The following PDZRN3 variants were observed in gnomAD, a reference collection of about 807,000 sequenced individuals.
The protein encoded by PDZRN3 is PDZ domain containing ring finger 3.
In PDZRN3, 38 loss-of-function variants were observed where a neutral mutation model predicts 85.7. That is an observed-to-expected ratio of 0.44 (90% CI 0.34 to 0.58). The LOEUF (loss-of-function observed/expected upper bound fraction) is 0.58, where lower values mean the gene tolerates loss of function less well. Ranked by LOEUF, PDZRN3 falls within the 20% of genes least tolerant of loss-of-function variation. PDZRN3 has a pLI of 0.01. For synonymous variants in PDZRN3, 759 were observed against 638.0 expected, an observed-to-expected ratio of 1.19 and a Z score of -2.86; for missense variants, 1,629 against 1,506.4, an observed-to-expected ratio of 1.08 and a Z score of -1.35.
At chr3:73,441,812 A>C (rs1474598761) in intron 3 of PDZRN3, among the ~76,000 whole-genome samples, 1 of 152,194 alleles carries the variant, frequency 6.6e-6, no homozygotes, top group Non-Finnish European at 1.5e-5. Context: ...AACACAATGT[A>C]CTCGTGAGGA....
At chr3:73,409,286 T>C (rs1701918018) in intron 3 of PDZRN3, among the ~76,000 whole-genome samples, 1 of 152,160 alleles carries the variant, frequency 6.6e-6, no homozygotes, top group Non-Finnish European at 1.5e-5. Flanking sequence ...CATGGAACCA[T>C]TCCTTCCGGG....
intron 8 of PDZRN3, among the ~76,000 whole-genome samples, chr3:73,386,245 T>TTTTTTTTTTTTTTTTA (rs1701383880): frequency 6.8e-6 from 1 of 146,518 alleles, no homozygotes; most frequent in Non-Finnish European, 1.5e-5. Context: ...TTTTTTTTTT[T>TTTTTTTTTTTTTTTTA]GAGACAGAAT....
At chr3:73,400,696 TAAAA>T (rs1701730864) in intron 5 of PDZRN3, among the ~76,000 whole-genome samples, 1 of 152,172 alleles carries the variant, frequency 6.6e-6, no homozygotes, top group South Asian at 2.1e-4. Flanking sequence ...TGATTCAAAT[TAAAA>T]AAAGTTTACA....
rs1227050975 is a variant in PDZRN3 at position 73,451,429 on chromosome 3, AGACCACAAGTGCTGAATATGTT to A, written c.919-47056_919-47035del. Among the ~76,000 whole-genome samples the A allele has an allele frequency of 3.3e-5, 5 of 152,194 alleles. No homozygotes were observed. The East Asian group carries it at 9.6e-4, about 29-fold the overall frequency. ...GCTCAGTTAATAACTCTGACCTGCCAGACCACAAGTGCTGAATATGTTGACTTTAAATGTCTACAGGGAACAT... is the reference window on the plus strand; with the variant it reads ...GCTCAGTTAATAACTCTGACCTGCCAGACTTTAAATGTCTACAGGGAACAT... On this transcript the variant is annotated intron_variant, in intron 3 of 9. Coordinates refer to ENST00000263666, the MANE Select transcript of PDZRN3 (RefSeq NM_015009.3).
At chr3:73,423,074 C>T (rs1433987187) in intron 3 of PDZRN3, among the ~76,000 whole-genome samples, 1 of 152,146 alleles carries the variant, frequency 6.6e-6, no homozygotes, top group Non-Finnish European at 1.5e-5. Context: ...CATCCCCTAA[C>T]TAGATAAAAG....
chr3:73,478,964 G>A lies in PDZRN3; in HGVS notation c.919-74569C>T, dbSNP rs147365604. On this transcript the variant is annotated intron_variant, in intron 3 of 9. Transcript: ENST00000263666. The stretch of plus-strand genomic sequence containing the variant: ...CCTTTATTCTCAGAGCAGAAACTTA[G>A]GTTCTATGTGTAATGGCAAAAGTCG... Among the ~76,000 whole-genome samples, 41 of 152,294 alleles carry A rather than the reference G, an allele frequency of 2.7e-4. 2 individuals are homozygous for A. The East Asian group carries it at 7.5e-3, about 28-fold the overall frequency.
chr3:73,582,503 T>TTATA (rs748759541), intron 3 of PDZRN3, among the ~76,000 whole-genome samples: 2 of 151,574 alleles, frequency 1.3e-5, no homozygotes, highest in African/African-American at 2.4e-5. Flanking sequence ...AATGTATATT[T>TTATA]TATATATATA....
chr3:73,472,452 C>G (rs1703363070), intron 3 of PDZRN3, among the ~76,000 whole-genome samples: 2 of 152,178 alleles, frequency 1.3e-5, no homozygotes, highest in African/African-American at 4.8e-5. Context: ...ATTGCTGTAA[C>G]CCGTATATGC....
At position 73,389,891 on chromosome 3, in the gene PDZRN3, TG is replaced by T; in HGVS notation, c.1354-14del. ...TGTTAGGGTCAATCTGAAACACACA[TG>T]GACCATCTCAGCGCAAACGCAGACA... is the stretch of plus-strand genomic sequence containing the variant. On this transcript the variant is annotated splice_polypyrimidine_tract_variant and intron_variant, in intron 6 of 9. Coordinates refer to ENST00000263666, the MANE Select transcript of PDZRN3 (RefSeq NM_015009.3). 1 of 1,608,860 alleles carries T rather than the reference TG, an allele frequency of 6.2e-7. No homozygotes were observed. The highest frequency in any genetic ancestry group is 8.5e-7 in the Non-Finnish European group (1 of 1,175,172).
intron 3 of PDZRN3, among the ~76,000 whole-genome samples, chr3:73,542,302 T>C (rs563853213): frequency 3.9e-5 from 6 of 152,242 alleles, no homozygotes; most frequent in South Asian, 4.2e-4. Flanking sequence ...AATACAAGGA[T>C]TGTTTGTTTA....
intron 3 of PDZRN3, among the ~76,000 whole-genome samples, chr3:73,543,083 T>C (rs1044342077): frequency 1.3e-5 from 2 of 152,210 alleles, no homozygotes; most frequent in African/African-American, 4.8e-5. Context: ...TTTAAGAAGG[T>C]AAAGATGACA....
chr3:73,458,559 G>C (rs1268904466), intron 3 of PDZRN3, among the ~76,000 whole-genome samples: 2 of 147,412 alleles, frequency 1.4e-5, no homozygotes, highest in African/African-American at 5.1e-5. Flanking sequence ...TTACATACTA[G>C]ATACAATGCT....
intron 3 of PDZRN3, among the ~76,000 whole-genome samples, chr3:73,413,337 C>T (rs998907215): frequency 1.3e-5 from 2 of 152,226 alleles, no homozygotes; most frequent in South Asian, 4.1e-4. Context: ...ATAAGAAAAC[C>T]CATGAAAAGC....
chr3:73,498,942 C>A (rs1281348484), intron 3 of PDZRN3, among the ~76,000 whole-genome samples: 3 of 152,122 alleles, frequency 2.0e-5, no homozygotes, highest in Non-Finnish European at 2.9e-5. Flanking sequence ...GTGCGGGTCG[C>A]TGGTCAGGCT....
chr3:73,575,811 G>C (rs955567638), intron 3 of PDZRN3, among the ~76,000 whole-genome samples: 1 of 152,082 alleles, frequency 6.6e-6, no homozygotes, highest in African/African-American at 2.4e-5. Context: ...ACTGATCCCT[G>C]AGTTTTTAAA....
intron 1 of PDZRN3, among the ~76,000 whole-genome samples, chr3:73,615,391 T>TA (rs1442623891): frequency 6.6e-6 from 1 of 152,210 alleles, no homozygotes; most frequent in Non-Finnish European, 1.5e-5. Context: ...TTTAAGGTGT[T>TA]ACAGCATCTT....
At chr3:73,559,800 T>C (rs1701778091) in intron 3 of PDZRN3, among the ~76,000 whole-genome samples, 1 of 152,256 alleles carries the variant, frequency 6.6e-6, no homozygotes, top group Non-Finnish European at 1.5e-5. Flanking sequence ...GGCTGGAATA[T>C]AGTTTCAATG....
intron 1 of PDZRN3, among the ~76,000 whole-genome samples, chr3:73,621,026 T>G (rs938264620): frequency 6.6e-6 from 1 of 152,244 alleles, no homozygotes; most frequent in African/African-American, 2.4e-5. Context: ...GCTTAGCGGC[T>G]ACTTAAAGGA....
intron 3 of PDZRN3, among the ~76,000 whole-genome samples, chr3:73,532,861 C>G (rs963442529): frequency 6.6e-6 from 1 of 152,192 alleles, no homozygotes; most frequent in African/African-American, 2.4e-5. Flanking sequence ...AGCGAGAAAT[C>G]TGATCTCATT....
Sources: allele counts gnomAD v4.1 joint callset (sites outside exome capture counted in the v4.1 genomes callset), GRCh38; gene constraint gnomAD v4.1.1; transcripts MANE v1.5; gene names NCBI Gene and HGNC (gene_info 2026-07-23, HGNC 2026-07-21).